The following CGRRF1 variants were observed in gnomAD, a reference collection of about 807,000 sequenced individuals.
The protein encoded by CGRRF1 is cell growth regulator with ring finger domain 1, also known as cell growth regulator with RING finger domain protein 1.
A neutral mutation model predicts 37.2 loss-of-function variants in CGRRF1; 32 were observed. The observed-to-expected ratio is 0.86, with a 90% CI of 0.65 to 1.16. CGRRF1 has a LOEUF of 1.16. CGRRF1 is among the 50% of genes most tolerant of loss of function. CGRRF1 has a pLI of 0.00. For missense variants in CGRRF1, 391 were observed against 382.6 expected (o/e 1.02, Z -0.18); for synonymous variants, 141 against 140.3 (o/e 1.00, Z -0.04).
intron 2 of CGRRF1, among the ~76,000 whole-genome samples, chr14:54,525,437 T>C (rs1314925500): frequency 6.6e-6 from 1 of 152,256 alleles, no homozygotes; most frequent in Non-Finnish European, 1.5e-5. Flanking sequence ...CCAACAGTAG[T>C]ATTACTGAAG....
At chr14:54,516,115 A>G (rs2032211799) in intron 1 of CGRRF1, among the ~76,000 whole-genome samples, 1 of 152,106 alleles carries the variant, frequency 6.6e-6, no homozygotes. Flanking sequence ...GTTTATTAGC[A>G]ATAACTTTTT....
intron 4 of CGRRF1, among the ~76,000 whole-genome samples, chr14:54,535,810 A>G (rs893020785): frequency 2.7e-4 from 41 of 152,108 alleles, no homozygotes; most frequent in African/African-American, 9.2e-4. Flanking sequence ...CAAGCAAGAG[A>G]CTTCCTGTCT....
rs1273672751 is a variant in CGRRF1 at position 54,538,731 on chromosome 14, G to A, written c.*348G>A. ...GGTTAAATTCTTAAGATCACTAAATGTTTTACCTTTGATGTAATCGGAGTG... is the reference window on the plus strand; with the variant it reads ...GGTTAAATTCTTAAGATCACTAAATATTTTACCTTTGATGTAATCGGAGTG... On this transcript the variant is annotated 3_prime_UTR_variant, in exon 6 of 6. Transcript: ENST00000216420. 5.8e-6 allele frequency: 1 copy of A among 172,468 alleles called. No homozygotes were observed. Among genetic ancestry groups the A allele is most frequent in the Non-Finnish European group, 1.2e-5 (1 of 80,412 alleles). 10.7% of individuals were successfully genotyped at this position (172,468 alleles called of 1,614,324 possible).
intron 2 of CGRRF1, among the ~76,000 whole-genome samples, chr14:54,527,848 C>T (rs2032440487): frequency 6.6e-6 from 1 of 151,834 alleles, no homozygotes; most frequent in African/African-American, 2.4e-5. Flanking sequence ...AGCCGTGATC[C>T]TCCTACCTCA....
At chr14:54,517,654 G>A (rs2032239982) in intron 1 of CGRRF1, among the ~76,000 whole-genome samples, 1 of 151,886 alleles carries the variant, frequency 6.6e-6, no homozygotes, top group Non-Finnish European at 1.5e-5. Context: ...GGGTACATGT[G>A]CAGGATGTGC....
At chr14:54,527,585 C>T (rs2032434063) in intron 2 of CGRRF1, among the ~76,000 whole-genome samples, 1 of 152,072 alleles carries the variant, frequency 6.6e-6, no homozygotes, top group South Asian at 2.1e-4. Flanking sequence ...GTCTCTGACA[C>T]TCTTCCCATT....
intron 3 of CGRRF1, 81 bp downstream of exon 3, chr14:54,530,307 C>G (rs1191929552): frequency 6.1e-6 from 8 of 1,315,414 alleles, no homozygotes; most frequent in Non-Finnish European, 8.4e-6. Context: ...ATTGATCATT[C>G]TTGGTATACT....
At chr14:54,517,736 G>A (rs548535601) in intron 1 of CGRRF1, among the ~76,000 whole-genome samples, 1 of 152,078 alleles carries the variant, frequency 6.6e-6, no homozygotes, top group Non-Finnish European at 1.5e-5. Context: ...TTGATATTAA[G>A]CCCAGCATCC....
intron 1 of CGRRF1, among the ~76,000 whole-genome samples, chr14:54,512,621 A>G (rs2032147968): frequency 6.6e-6 from 1 of 152,210 alleles, no homozygotes; most frequent in South Asian, 2.1e-4. Flanking sequence ...GGCTTTGCCA[A>G]CAAGGGAGGG....
chr14:54,519,235 T>G (rs559996498), intron 1 of CGRRF1, among the ~76,000 whole-genome samples: 2 of 151,986 alleles, frequency 1.3e-5, no homozygotes, highest in South Asian at 4.2e-4. Context: ...CGTGAGCTAC[T>G]GTGCCTGGCC....
chr14:54,519,891 A>G (rs2032287046), intron 1 of CGRRF1, among the ~76,000 whole-genome samples: 1 of 152,196 alleles, frequency 6.6e-6, no homozygotes, highest in African/African-American at 2.4e-5. Flanking sequence ...TACAATCAGC[A>G]TTTTACTGTA....
intron 2 of CGRRF1, among the ~76,000 whole-genome samples, chr14:54,527,495 T>C (rs1311031570): frequency 6.6e-6 from 1 of 151,870 alleles, no homozygotes; most frequent in Non-Finnish European, 1.5e-5. Context: ...TTATGGAGAG[T>C]ATAATTTTAT....
rs1443573350 is a variant in CGRRF1, at chr14:54,510,082, A to G, written c.104+19A>G. 6.4e-7 allele frequency: 1 copy of G among 1,568,408 alleles called. No individual in the cohort carries two copies. The highest frequency in any genetic ancestry group is 8.8e-7 in the Non-Finnish European group (1 of 1,139,434). On this transcript the variant is annotated intron_variant, in intron 1 of 5. Coordinates refer to ENST00000216420, the MANE Select transcript of CGRRF1 (RefSeq NM_006568.3). The stretch of plus-strand genomic sequence containing the variant: ...TGGGATGGTAAGTGTCCCAGGGGTG[A>G]GAGACGAAGGGGCGGATACCGCCAG...
At chr14:54,530,760 A>G (rs1170360243) in intron 3 of CGRRF1, 143 bp from the exon 4 acceptor site, 1 of 896,418 alleles carries the variant, frequency 1.1e-6, no homozygotes, top group Non-Finnish European at 1.7e-6. Context: ...CAGGAACAGT[A>G]TTTGTATCCT....
chr14:54,526,668 T>G (rs928346198), intron 2 of CGRRF1, among the ~76,000 whole-genome samples: 2 of 152,196 alleles, frequency 1.3e-5, no homozygotes, highest in Non-Finnish European at 2.9e-5. Context: ...TTGAATTAAT[T>G]TGATTCAGGA....
chr14:54,528,421 A>G (rs1258756934), intron 2 of CGRRF1, among the ~76,000 whole-genome samples: 1 of 152,158 alleles, frequency 6.6e-6, no homozygotes, highest in African/African-American at 2.4e-5. Flanking sequence ...AACTAGTGCT[A>G]TAATGAGTAG....
intron 1 of CGRRF1, among the ~76,000 whole-genome samples, chr14:54,517,140 C>G (rs1349068760): frequency 6.6e-6 from 1 of 152,130 alleles, no homozygotes; most frequent in Non-Finnish European, 1.5e-5. Context: ...ATTTCTGGAT[C>G]TATTTCTATA....
At chr14:54,524,721 C>G (rs1175560638) in intron 2 of CGRRF1, among the ~76,000 whole-genome samples, 1 of 152,092 alleles carries the variant, frequency 6.6e-6, no homozygotes, top group African/African-American at 2.4e-5. Context: ...CTTATTCATC[C>G]TCTTTAGCTG....
chr14:54,524,359 A>T lies in CGRRF1; in HGVS notation c.244+1766A>T, dbSNP rs1329396396. On this transcript the variant is annotated intron_variant, in intron 2 of 5. Coordinates refer to ENST00000216420, the MANE Select transcript of CGRRF1 (RefSeq NM_006568.3). ...CAAATAGATCATCAGGCTTAAGTAA[A>T]TCTTGATTTGTAAGGAAAAATATAT... 2.6e-5 allele frequency among the ~76,000 whole-genome samples: 4 copies of T among 151,302 alleles called. No individual in the cohort carries two copies. In the East Asian group the frequency reaches 7.8e-4, roughly 29 times the overall value.
Sources: gnomAD v4.1 joint callset for allele counts (sites outside exome capture counted in the v4.1 genomes callset) on GRCh38, gnomAD v4.1.1 for gene constraint, MANE v1.5 for transcripts, NCBI Gene and HGNC (gene_info 2026-07-23, HGNC 2026-07-21) for gene names.